The following CADPS variants were observed in gnomAD, a reference collection of about 807,000 sequenced individuals.
The protein encoded by CADPS is calcium-dependent secretion activator 1.
CADPS carries 57 observed loss-of-function variants against 167.3 expected under a neutral mutation model. The ratio of observed to expected loss-of-function variants is 0.34; its 90% confidence interval spans 0.28 to 0.42. The LOEUF is 0.42. Among genes scored for constraint, CADPS ranks in the 20% least tolerant of loss-of-function variants. CADPS has a pLI of 1.00. For missense variants in CADPS, 1,414 were observed against 1,738.1 expected (o/e 0.81, Z 3.32); for synonymous variants, 676 against 635.3 (o/e 1.06, Z -0.96).
chr3:62,516,512 A>G, intron 15 of CADPS, 68 bp downstream of exon 15: 1 of 1,257,486 alleles, frequency 8.0e-7, no homozygotes. Flanking sequence ...TTCAACCAAA[A>G]CATTTCATTA....
rs936019297 is a variant in CADPS, at chr3:62,420,793, G to T, written c.3777+17311C>A. 3.3e-5 allele frequency among the ~76,000 whole-genome samples: 5 copies of T among 151,518 alleles called. No individual in the cohort carries two copies. Among genetic ancestry groups the T allele is most frequent in the Non-Finnish European group, 5.9e-5 (4 of 67,944 alleles). On this transcript the variant is annotated intron_variant, in intron 28 of 29. Transcript: ENST00000383710. The surrounding 1 kb of genome is among the most constrained non-coding windows in gnomAD (Gnocchi z 4.1). ...GCTTTATTTTTACTCTCAGGAAACC[G>T]TATTCTCCTCTTTCTACTTCTCACT...
chr3:62,721,661 A>G (rs911016904), intron 3 of CADPS, among the ~76,000 whole-genome samples: 7 of 152,212 alleles, frequency 4.6e-5, no homozygotes, highest in Non-Finnish European at 8.8e-5. Context: ...CAAACAAAAC[A>G]TTAACTATTT....
intron 3 of CADPS, among the ~76,000 whole-genome samples, chr3:62,682,820 G>A (rs1469005439): frequency 6.6e-6 from 1 of 152,028 alleles, no homozygotes; most frequent in Non-Finnish European, 1.5e-5. Flanking sequence ...TGATAATCTA[G>A]GGAGGAATGC....
At chr3:62,619,620 C>T (rs1157574276) in intron 6 of CADPS, among the ~76,000 whole-genome samples, 1 of 152,126 alleles carries the variant, frequency 6.6e-6, no homozygotes, top group Non-Finnish European at 1.5e-5. Context: ...GTCCCTGCAA[C>T]CCCTCTGCCT....
At chr3:62,456,187 A>T (rs936528691) in intron 26 of CADPS, among the ~76,000 whole-genome samples, 1 of 152,196 alleles carries the variant, frequency 6.6e-6, no homozygotes, top group Non-Finnish European at 1.5e-5. Context: ...AGAAAGTATC[A>T]GTACTTCCCA....
intron 4 of CADPS, among the ~76,000 whole-genome samples, chr3:62,655,987 G>A (rs896916035): frequency 6.6e-6 from 1 of 152,166 alleles, no homozygotes; most frequent in Non-Finnish European, 1.5e-5. Flanking sequence ...GTCCATGACA[G>A]TGAAACGGAC....
At chr3:62,585,535 A>T (rs1320883363) in intron 7 of CADPS, among the ~76,000 whole-genome samples, 1 of 152,196 alleles carries the variant, frequency 6.6e-6, no homozygotes. Flanking sequence ...CTGTCATGAA[A>T]ATCATGATCT....
intron 3 of CADPS, among the ~76,000 whole-genome samples, chr3:62,748,377 A>G (rs986944840): frequency 1.3e-5 from 2 of 149,436 alleles, no homozygotes; most frequent in Non-Finnish European, 3.0e-5. Context: ...AAAAAAATTA[A>G]GATGTAGACC....
At chr3:62,702,846 T>C (rs1176316062) in intron 3 of CADPS, among the ~76,000 whole-genome samples, 1 of 152,122 alleles carries the variant, frequency 6.6e-6, no homozygotes, top group East Asian at 1.9e-4. Flanking sequence ...ACAGCAGAGT[T>C]CTATAGTTAA....
chr3:62,576,544 A>C (rs1562370904), intron 8 of CADPS, among the ~76,000 whole-genome samples: 1 of 151,498 alleles, frequency 6.6e-6, no homozygotes, highest in Non-Finnish European at 1.5e-5. Context: ...TACTCCTAGC[A>C]CTTTGGGAGG....
rs1553688327 is a variant in CADPS at position 62,400,601 on chromosome 3, C to CTTTCT, written c.3883-1017_3883-1016insAGAAA. ...CCCATCATTCTTTCTTTTTTTTTTTCTTTTTTTTTTTTTTTCAAGATGGCA... is the reference window on the plus strand; with the variant it reads ...CCCATCATTCTTTCTTTTTTTTTTTCTTTCTTTTTTTTTTTTTTTTCAAGATGGCA... On this transcript the variant is annotated intron_variant, in intron 29 of 29. Transcript: ENST00000383710. 3.3e-3 allele frequency among the ~76,000 whole-genome samples: 428 copies of CTTTCT among 130,378 alleles called. 6 individuals carry two copies. Among genetic ancestry groups the CTTTCT allele is most frequent in the African/African-American group, 7.4e-3 (257 of 34,830 alleles). The allele number at this position is 130,378 out of a possible 152,430, so 85.5% of individuals were successfully genotyped here.
In CADPS at chr3:62,765,984, T is replaced by G. The variant is rs1397886005; in HGVS notation, c.442A>C (p.Ile148Leu). The G allele has an allele frequency of 6.2e-7, 1 of 1,606,134 alleles. No homozygotes were observed. Among genetic ancestry groups the G allele is most frequent in the Non-Finnish European group, 8.5e-7 (1 of 1,173,160 alleles). The change falls in exon 2 of 30, where the codon ATC (isoleucine) becomes CTC (leucine). Residue 148 changes from isoleucine to leucine, a missense_variant and splice_region_variant. This residue lies in a region of CADPS where 522 missense variants were observed against 559.5 expected (regional missense o/e 0.93). Coordinates refer to ENST00000383710, the MANE Select transcript of CADPS (RefSeq NM_003716.4). Reference protein sequence around the residue: ...PTDMARRQQKISKQQLQTVKD... With the variant: ...PTDMARRQQKLSKQQLQTVKD... ...ACTGTCTGCAGCTGCTGTTTGCTGA[T>G]CTGTAAGAAACAGAAAAAGAGGGAA...
At chr3:62,851,735 A>T (rs1346575426) in intron 1 of CADPS, among the ~76,000 whole-genome samples, 1 of 148,618 alleles carries the variant, frequency 6.7e-6, no homozygotes, top group Non-Finnish European at 1.5e-5. Context: ...ACTTTGGTGA[A>T]TCTGACAATT....
rs140676720 is a variant in CADPS at position 62,612,462 on chromosome 3, G to C, written c.1326-19714C>G. ...CAACCTCAATGGACTCTACCAGAGT[G>C]TTGCCACTTGCCCCTTCCCCATTCA... On this transcript the variant is annotated intron_variant, in intron 6 of 29. Transcript: ENST00000383710. Among the ~76,000 whole-genome samples, 525 of 152,334 alleles carry C rather than the reference G, an allele frequency of 3.4e-3. 4 individuals are homozygous for C. The highest frequency in any genetic ancestry group is 0.012 in the African/African-American group (500 of 41,586).
intron 1 of CADPS, among the ~76,000 whole-genome samples, chr3:62,787,762 T>C (rs564094892): frequency 3.9e-5 from 6 of 152,188 alleles, no homozygotes; most frequent in Non-Finnish European, 5.9e-5. Context: ...AAGCCTCAGT[T>C]TGTCTGTAAG....
chr3:62,485,198 T>A (rs115219091), intron 21 of CADPS, among the ~76,000 whole-genome samples: 1,869 of 152,128 alleles, frequency 0.012, 30 homozygotes, highest in African/African-American at 0.043. Flanking sequence ...ACTTATGAGC[T>A]GTAAAGCCCC....
At chr3:62,696,881 G>A (rs1285455411) in intron 3 of CADPS, among the ~76,000 whole-genome samples, 1 of 151,960 alleles carries the variant, frequency 6.6e-6, no homozygotes, top group Non-Finnish European at 1.5e-5. Flanking sequence ...ACCCCTCCTT[G>A]ATATCCTGGA....
At chr3:62,862,960 G>T (rs1327348206) in intron 1 of CADPS, among the ~76,000 whole-genome samples, 1 of 152,108 alleles carries the variant, frequency 6.6e-6, no homozygotes, top group Non-Finnish European at 1.5e-5. Context: ...TATACTCAAA[G>T]GGCTGTTTTA....
intron 3 of CADPS, among the ~76,000 whole-genome samples, chr3:62,690,270 G>C (rs111357364): frequency 6.6e-6 from 1 of 151,972 alleles, no homozygotes; most frequent in African/African-American, 2.4e-5. Context: ...GAGAACAAAA[G>C]TTGTGACTTA....
Sources: allele counts gnomAD v4.1 joint callset (sites outside exome capture counted in the v4.1 genomes callset), GRCh38; gene constraint gnomAD v4.1.1; regional missense constraint gnomAD v4.1.1; non-coding constraint Gnocchi (gnomAD v3.1); transcripts MANE v1.5; gene names NCBI Gene and HGNC (gene_info 2026-07-23, HGNC 2026-07-21).